The following NOTCH1 variants were observed in gnomAD, a reference collection of about 807,000 sequenced individuals.
NOTCH1 encodes notch receptor 1.
A neutral mutation model predicts 254.8 loss-of-function variants in NOTCH1; 37 were observed. The ratio of observed to expected loss-of-function variants is 0.15; its 90% CI spans 0.11 to 0.19. The LOEUF is 0.19. Ranked by LOEUF, NOTCH1 falls within the 10% of genes least tolerant of loss-of-function variation. NOTCH1 has a pLI of 1.00. For synonymous variants in NOTCH1, 1,731 were observed against 1,618.1 expected, an observed-to-expected ratio of 1.07 and a Z score of -1.68; for missense variants, 2,972 against 3,708.6, an observed-to-expected ratio of 0.80 and a Z score of 5.16.
intron 2 of NOTCH1, among the ~76,000 whole-genome samples, chr9:136,534,068 C>T (rs1245274190): frequency 6.6e-6 from 1 of 152,362 alleles, no homozygotes. Flanking sequence ...GGGCGACCGT[C>T]GGCTTCGTCC....
intron 9 of NOTCH1, 52 bp from the exon 10 acceptor site, chr9:136,516,146 C>T: frequency 1.5e-6 from 2 of 1,364,744 alleles, no homozygotes; most frequent in South Asian, 1.2e-5. Flanking sequence ...CACTATGGCC[C>T]TTCAGGGACC....
At chr9:136,510,032 G>C in intron 17 of NOTCH1, 71 bp from the exon 18 acceptor site, 1 of 1,428,060 alleles carries the variant, frequency 7.0e-7, no homozygotes, top group South Asian at 1.1e-5. Flanking sequence ...GGCCGGGAAG[G>C]CTGCATGGCT....
rs1196033833 is a variant in NOTCH1, at chr9:136,495,394, G to T, written c.*677C>A. The T allele has an allele frequency of 5.0e-6, 2 of 398,838 alleles. No individual in the cohort carries two copies. The highest frequency in any genetic ancestry group is 1.3e-4 in the South Asian group (1 of 7,866). The allele number at this position is 398,838 out of a possible 1,614,324, so 24.7% of individuals were successfully genotyped here. ...GGTGCACTCTTGGCATACACACTCCGAGAACACATTTTCACAAGCATGCTT... is the reference window on the plus strand; with the variant it reads ...GGTGCACTCTTGGCATACACACTCCTAGAACACATTTTCACAAGCATGCTT... On this transcript the variant is annotated 3_prime_UTR_variant, in exon 34 of 34. Transcript: ENST00000651671.
At chr9:136,519,319 AC>A in intron 5 of NOTCH1, 123 bp downstream of exon 5, 1 of 1,413,380 alleles carries the variant, frequency 7.1e-7, no homozygotes, top group Non-Finnish European at 9.8e-7. Flanking sequence ...TTCTCGGCCA[AC>A]CCTAGTCTGC....
chr9:136,502,013 G>C lies in NOTCH1; in HGVS notation c.5460C>G (p.Thr1820=), dbSNP rs1176961989. ...QNEWGDEDLE[T]KKFRFEEPVV... The stretch of plus-strand genomic sequence containing the variant: ...CCTCGCGACTCACCCGGAACTTCTT[G>C]GTCTCCAGGTCCTCGTCCCCCCACT... Residue 1820 remains threonine, a synonymous_variant, in exon 29 of 34, where the codon ACC becomes ACG. Transcript: ENST00000651671. 6.2e-7 allele frequency: 1 copy of C among 1,613,072 alleles called. No individual in the cohort carries two copies. The highest frequency in any genetic ancestry group is 1.1e-5 in the South Asian group (1 of 91,084).
chr9:136,534,899 C>CCCACAGAGCCCCCCAG (rs1843619346), intron 2 of NOTCH1, among the ~76,000 whole-genome samples: 1 of 71,250 alleles, frequency 1.4e-5, no homozygotes, highest in East Asian at 5.4e-4. Flanking sequence ...CCAGTCCCTC[C>CCCACAGAGCCCCCCAG]TCACAGAGCC....
Position 136,517,204 on chromosome 9 carries a change from C to CG in NOTCH1, c.1555+67dup, listed in dbSNP as rs1843288942. The CG allele has an allele frequency of 3.9e-6, 4 of 1,023,136 alleles. No homozygotes were observed. In the South Asian group the frequency reaches 5.6e-5, roughly 14 times the overall value. The allele number at this position is 1,023,136 out of a possible 1,614,324, so 63.4% of individuals were successfully genotyped here. On this transcript the variant is annotated intron_variant, in intron 9 of 33. Transcript: ENST00000651671. ...GCCCGGGGGCAGGGGACACAACCCA[C>CG]GCCCAGGCACCCCTCAGGAGGCCAG... is the stretch of plus-strand genomic sequence containing the variant.
At chr9:136,501,053 T>C (rs1842987305) in intron 30 of NOTCH1, among the ~76,000 whole-genome samples, 1 of 152,192 alleles carries the variant, frequency 6.6e-6, no homozygotes, top group Non-Finnish European at 1.5e-5. Flanking sequence ...CTTAAACTCC[T>C]GGCGGGCAAC....
chr9:136,520,550 A>G (rs1355649067), intron 4 of NOTCH1, among the ~76,000 whole-genome samples: 3 of 152,058 alleles, frequency 2.0e-5, no homozygotes, highest in Non-Finnish European at 4.4e-5. Flanking sequence ...CCTGGACAAC[A>G]TGGCGAAACC....
At chr9:136,519,700 G>A (rs1178928318) in intron 4 of NOTCH1, 135 bp from the exon 5 acceptor site, 19 of 1,257,696 alleles carry the variant, frequency 1.5e-5, no homozygotes, top group African/African-American at 8.8e-5. Context: ...GTCTGTGCCC[G>A]TCCCCTGCCT....
intron 2 of NOTCH1, among the ~76,000 whole-genome samples, chr9:136,525,390 C>T (rs1268041179): frequency 6.6e-6 from 1 of 152,008 alleles, no homozygotes; most frequent in Non-Finnish European, 1.5e-5. Flanking sequence ...TGGCCTTGCG[C>T]TCCGGGAAAA....
chr9:136,532,413 C>T (rs1051533373), intron 2 of NOTCH1, among the ~76,000 whole-genome samples: 1 of 152,174 alleles, frequency 6.6e-6, no homozygotes, highest in Non-Finnish European at 1.5e-5. Context: ...CACATGACCT[C>T]GATCAAATAG....
intron 21 of NOTCH1, among the ~76,000 whole-genome samples, chr9:136,507,661 G>A (rs544389665): frequency 1.3e-4 from 20 of 152,256 alleles, no homozygotes; most frequent in African/African-American, 3.6e-4. Flanking sequence ...GGTGGACCCC[G>A]TCCCATAGGA....
chr9:136,505,215 G>A (rs781389189), intron 25 of NOTCH1, 95 bp downstream of exon 25: 3 of 1,521,828 alleles, frequency 2.0e-6, no homozygotes, highest in Non-Finnish European at 2.7e-6. Flanking sequence ...CACCCCCTGA[G>A]CAGAGCCTTA....
At chr9:136,543,276 G>A (rs1426411375) in intron 2 of NOTCH1, 1 of 210,652 alleles carries the variant, frequency 4.7e-6, no homozygotes, top group Non-Finnish European at 9.9e-6. Flanking sequence ...GTGCCTAGAG[G>A]AGGCATCACC....
At chr9:136,535,516 GT>G (rs1843634668) in intron 2 of NOTCH1, among the ~76,000 whole-genome samples, 1 of 88,218 alleles carries the variant, frequency 1.1e-5, no homozygotes, top group Non-Finnish European at 2.0e-5. Flanking sequence ...GTGGGAGTGG[GT>G]GGAGGGGGGA....
Position 136,498,890 on chromosome 9 carries a change from C to T in NOTCH1, c.6180+9G>A, listed in dbSNP as rs200371378. 1.5e-4 allele frequency: 242 copies of T among 1,613,300 alleles called. No homozygotes were observed. The highest frequency in any genetic ancestry group is 1.6e-4 in the Middle Eastern group (1 of 6,084). On this transcript the variant is annotated intron_variant, in intron 33 of 33. Coordinates refer to ENST00000651671, the MANE Select transcript of NOTCH1 (RefSeq NM_017617.5). Reference sequence around the variant, plus strand: ...CACGTCTCCCCTGGCATCCCAGCCTCGCGCTCACCCTGTTGTTCTGCATAT... The same window carrying T: ...CACGTCTCCCCTGGCATCCCAGCCTTGCGCTCACCCTGTTGTTCTGCATAT...
intron 2 of NOTCH1, among the ~76,000 whole-genome samples, chr9:136,529,495 T>C (rs1843525071): frequency 6.6e-6 from 1 of 152,132 alleles, no homozygotes; most frequent in South Asian, 2.1e-4. Flanking sequence ...CCTCGGGTCC[T>C]CTCCCACTGG....
chr9:136,503,842 C>T (rs1181655279), intron 26 of NOTCH1, among the ~76,000 whole-genome samples: 1 of 152,192 alleles, frequency 6.6e-6, no homozygotes, highest in Non-Finnish European at 1.5e-5. Flanking sequence ...CAGGATTGCT[C>T]CAAGCCAGCA....
Sources: allele counts gnomAD v4.1 joint callset (sites outside exome capture counted in the v4.1 genomes callset), GRCh38; gene constraint gnomAD v4.1.1; transcripts MANE v1.5; gene names NCBI Gene and HGNC (gene_info 2026-07-23, HGNC 2026-07-21).